The following SGSM2 variants were observed in gnomAD, a reference collection of about 807,000 sequenced individuals.
SGSM2 encodes the protein RUN and TBC1 domain containing 1.
Under a neutral mutation model 126.6 loss-of-function variants are expected in SGSM2, and 89 were observed. The observed-to-expected ratio is 0.70, with a 90% CI of 0.59 to 0.84. The LOEUF (loss-of-function observed/expected upper bound fraction) is 0.84, where lower values mean the gene tolerates loss of function less well. SGSM2 is among the 40% of genes least tolerant of loss of function. The pLI is 0.00. For missense variants in SGSM2, 1,404 were observed against 1,416.6 expected (o/e 0.99, Z 0.14); for synonymous variants, 614 against 574.3 (o/e 1.07, Z -0.99).
Position 2,362,288 on chromosome 17 carries a change from C to G in SGSM2, c.458+18C>G. On this transcript the variant is annotated intron_variant, in intron 4 of 23. Coordinates refer to ENST00000268989, the MANE Select transcript of SGSM2 (RefSeq NM_014853.3). This position sits in a 1 kb window ranked among gnomAD's most constrained non-coding sequence, Gnocchi z 4.9. ...AACTGCAGGTGACCGCCCCGTTCCC[C>G]AAAAACTGCAGGTGACCACCCCGTT... The G allele has an allele frequency of 6.3e-7, 1 of 1,599,128 alleles. No homozygotes were observed. Among genetic ancestry groups the G allele is most frequent in the Middle Eastern group, 1.7e-4 (1 of 5,884 alleles).
At chr17:2,349,654 T>C (rs1026228281) in intron 2 of SGSM2, among the ~76,000 whole-genome samples, 1 of 152,122 alleles carries the variant, frequency 6.6e-6, no homozygotes, top group Non-Finnish European at 1.5e-5. Context: ...TAGGAAACAA[T>C]GGTTGCAGGC....
rs142659744 is a variant in SGSM2 at position 2,363,775 on chromosome 17, G to C, written c.807+176G>C. 1.0e-4 allele frequency: 105 copies of C among 1,024,330 alleles called. No individual in the cohort carries two copies. Among genetic ancestry groups the C allele is most frequent in the Middle Eastern group, 9.7e-4 (3 of 3,106 alleles). The allele number at this position is 1,024,330 out of a possible 1,614,324, so 63.5% of individuals were successfully genotyped here. ...TCACGCCCAGCCTTTAGTTGGCAGG[G>C]GACAGGAATGGCAGCCAGCAGGCGA... On this transcript the variant is annotated intron_variant, in intron 7 of 23. Transcript: ENST00000268989. This position sits in a 1 kb window ranked among gnomAD's most constrained non-coding sequence, Gnocchi z 4.2.
chr17:2,380,202 A>T lies in SGSM2; in HGVS notation c.*682A>T. 6.5e-7 allele frequency: 1 copy of T among 1,531,944 alleles called. No individual in the cohort carries two copies. Among genetic ancestry groups the T allele is most frequent in the Non-Finnish European group, 8.7e-7 (1 of 1,144,538 alleles). The allele number at this position is 1,531,944 out of a possible 1,614,324, so 94.9% of individuals were successfully genotyped here. A position where few individuals can be genotyped will look rare whatever the true frequency, so the allele number is the denominator to read the frequency against. On this transcript the variant is annotated 3_prime_UTR_variant, in exon 24 of 24. Transcript: ENST00000268989. ...CCCCCAGGCCTCCCCGGCCTTGTAC[A>T]GTGTACCTCTGTGTATCTGTACAGC...
At position 2,338,786 on chromosome 17, in the gene SGSM2, T is replaced by TATATATATATATATATATATAA. The variant is rs1481763507; in HGVS notation, c.57+1044_57+1045insTATATATATATATATATAAATA. Among the ~76,000 whole-genome samples, 1,075 of 149,630 alleles carry TATATATATATATATATATATAA rather than the reference T, an allele frequency of 7.2e-3. 17 individuals carry two copies. The highest frequency in any genetic ancestry group is 0.024 in the African/African-American group (992 of 40,742). ...ATGCCGTCTCCCTAATATATATATA[T>TATATATATATATATATATATAA]ATAACCTCACGCCTGTAATCCCAGC... On this transcript the variant is annotated intron_variant, in intron 1 of 23. Coordinates refer to ENST00000268989, the MANE Select transcript of SGSM2 (RefSeq NM_014853.3).
At chr17:2,349,075 G>A (rs62067003) in intron 2 of SGSM2, among the ~76,000 whole-genome samples, 5,972 of 150,996 alleles carry the variant, frequency 0.04, 192 homozygotes, top group East Asian at 0.15. Context: ...CATCTGCTTT[G>A]TTTTTGAAAG....
rs891097501 is a variant in SGSM2, at chr17:2,375,856, T to C, written c.2465T>C (p.Val822Ala). Residue 822 changes from valine (V) to alanine (A), a missense_variant, in exon 18 of 24, where the codon GTG (valine) becomes GCG (alanine). Coordinates refer to ENST00000268989, the MANE Select transcript of SGSM2 (RefSeq NM_014853.3). ...ELEAGEELAA[V>A]CAAAYTIELL... ...GAGGCCGGAGAGGAGCTTGCGGCTG[T>C]GTGTGCGGCTGCCTACACTGTGCGT... is the stretch of plus-strand genomic sequence containing the variant. The C allele has an allele frequency of 1.3e-6, 2 of 1,524,816 alleles. No individual in the cohort carries two copies. The highest frequency in any genetic ancestry group is 1.3e-5 in the South Asian group (1 of 78,096). 94.5% of individuals were successfully genotyped at this position (1,524,816 alleles called of 1,614,324 possible). A position where few individuals can be genotyped will look rare whatever the true frequency, so the allele number is the denominator to read the frequency against.
chr17:2,353,476 A>G (rs1003763145), intron 2 of SGSM2, among the ~76,000 whole-genome samples: 1 of 152,156 alleles, frequency 6.6e-6, no homozygotes, highest in African/African-American at 2.4e-5. Context: ...AAAAGGATAC[A>G]GTGGGGCCGG....
intron 2 of SGSM2, among the ~76,000 whole-genome samples, chr17:2,356,930 G>A (rs868055171): frequency 5.9e-5 from 8 of 136,490 alleles, no homozygotes; most frequent in African/African-American, 1.9e-4. Flanking sequence ...AGGGTTGGGG[G>A]AAGGGACCCC....
Position 2,367,380 on chromosome 17 carries a change from C to A in SGSM2, c.1398C>A (p.Asn466Lys). 1.9e-6 allele frequency: 3 copies of A among 1,614,028 alleles called. No homozygotes were observed. Among genetic ancestry groups the A allele is most frequent in the Non-Finnish European group, 2.5e-6 (3 of 1,179,966 alleles). ...TGCTCTCAATGATCTGCTCGCGGAA[C>A]CTCACAGCTCCCAATCCGATGAAAG... ...HAMLSMICSRNLTAPNPMKDA... is the reference protein window; with the variant it reads ...HAMLSMICSRKLTAPNPMKDA... The change falls in exon 12 of 24, where the codon AAC (asparagine) becomes AAA (lysine). Residue 466 changes from asparagine (N) to lysine (K), a missense_variant. By Grantham distance (94) the Asn-to-Lys change is moderately conservative. Transcript: ENST00000268989. The surrounding 1 kb of genome is among the most constrained non-coding windows in gnomAD (Gnocchi z 4.0).
At chr17:2,343,683 C>G (rs2064472419) in intron 2 of SGSM2, 63 bp downstream of exon 2, 1 of 1,481,478 alleles carries the variant, frequency 6.8e-7, no homozygotes, top group Non-Finnish European at 9.4e-7. Context: ...GGCCTGGGGC[C>G]AGGAAAAGAT....
At chr17:2,375,983 TG>T in intron 18 of SGSM2, 108 bp downstream of exon 18, 1 of 1,506,670 alleles carries the variant, frequency 6.6e-7, no homozygotes, top group East Asian at 2.3e-5. Context: ...CTGACTGCCC[TG>T]GAAGGGAGTT....
chr17:2,338,581 A>G (rs934870452), intron 1 of SGSM2, among the ~76,000 whole-genome samples: 5 of 151,868 alleles, frequency 3.3e-5, no homozygotes, highest in Admixed American at 1.3e-4. Context: ...AGTAAACTCC[A>G]CCAGGGCAGG....
At chr17:2,365,502 G>C (rs2151582466) in intron 11 of SGSM2, among the ~76,000 whole-genome samples, 161 bp downstream of exon 11, 1 of 152,298 alleles carries the variant, frequency 6.6e-6, no homozygotes, top group African/African-American at 2.4e-5. Context: ...TTTACCCACA[G>C]ATATTGCCTT....
At chr17:2,360,767 T>C (rs2065275352) in intron 2 of SGSM2, among the ~76,000 whole-genome samples, 2 of 152,234 alleles carry the variant, frequency 1.3e-5, no homozygotes, top group Admixed American at 1.3e-4. Context: ...TCAGTGTCCC[T>C]GCCCCCAACC....
Position 2,376,220 on chromosome 17 carries a change from C to G in SGSM2, c.2568C>G (p.Phe856Leu). The G allele has an allele frequency of 6.2e-7, 1 of 1,614,060 alleles. No homozygotes were observed. The highest frequency in any genetic ancestry group is 1.3e-5 in the African/African-American group (1 of 75,028). Reference protein sequence around the residue: ...VQRCDRNYWYFTPPNLERLRD... With the variant: ...VQRCDRNYWYLTPPNLERLRD... Reference sequence around the variant, plus strand: ...GGTGTGACCGCAACTACTGGTACTTCACGCCCCCCAACCTCGAGAGGCTCA... The same window carrying G: ...GGTGTGACCGCAACTACTGGTACTTGACGCCCCCCAACCTCGAGAGGCTCA... The change falls in exon 19 of 24, where the codon TTC becomes TTG. Residue 856 changes from phenylalanine to leucine, a missense_variant. Transcript: ENST00000268989.
Position 2,379,195 on chromosome 17 carries a change from T to C in SGSM2, c.3059T>C (p.Phe1020Ser). ...ATGGACTTCACTGACATCATCAAGT[T>C]TTTCAATGGTACGAGCTGGTCCAGC... ...NNMDFTDIIK[F>S]FNERAEHHDA... Residue 1020 changes from phenylalanine (F) to serine (S), a missense_variant, in exon 23 of 24, where the codon TTT (phenylalanine) becomes TCT (serine). Physicochemically the swap from Phe to Ser is radical, Grantham distance 155 (BLOSUM62 -2). Coordinates refer to ENST00000268989, the MANE Select transcript of SGSM2 (RefSeq NM_014853.3). 6.2e-7 allele frequency: 1 copy of C among 1,613,792 alleles called. No individual in the cohort carries two copies. Among genetic ancestry groups the C allele is most frequent in the Non-Finnish European group, 8.5e-7 (1 of 1,179,928 alleles).
At position 2,380,283 on chromosome 17, in the gene SGSM2, C is replaced by G. The variant is rs762455545; in HGVS notation, c.*763C>G. On this transcript the variant is annotated 3_prime_UTR_variant, in exon 24 of 24. Transcript: ENST00000268989. The stretch of plus-strand genomic sequence containing the variant: ...GCATTAGGTACTTCCCTGAAAACCA[C>G]GTGTAAGAAGTGATGCTTTTGCCAG... The G allele has an allele frequency of 3.9e-6, 6 of 1,535,898 alleles. No individual in the cohort carries two copies. The South Asian group carries it at 7.1e-5, about 18-fold the overall frequency.
chr17:2,354,214 T>TG (rs1322172072), intron 2 of SGSM2, among the ~76,000 whole-genome samples: 17 of 151,026 alleles, frequency 1.1e-4, no homozygotes, highest in African/African-American at 4.1e-4. Context: ...ACCTAGAGTT[T>TG]TTTTGTTTGT....
rs915990229 is a variant in SGSM2, at chr17:2,362,515, G to T, written c.458+245G>T. On this transcript the variant is annotated intron_variant, in intron 4 of 23. Transcript: ENST00000268989. This position sits in a 1 kb window ranked among gnomAD's most constrained non-coding sequence, Gnocchi z 4.9. ...CCCAAAAACTGCAGGTGACCGCCCC[G>T]TTCCCCAAAAACTGCAGGTGACCGC... Among the ~76,000 whole-genome samples the T allele has an allele frequency of 2.7e-5, 4 of 149,782 alleles. No individual in the cohort carries two copies. Among genetic ancestry groups the T allele is most frequent in the African/African-American group, 9.9e-5 (4 of 40,308 alleles).
Sources: gnomAD v4.1 joint callset for allele counts (sites outside exome capture counted in the v4.1 genomes callset) on GRCh38, gnomAD v4.1.1 for gene constraint, Gnocchi (gnomAD v3.1) non-coding constraint, MANE v1.5 for transcripts, NCBI Gene and HGNC (gene_info 2026-07-23, HGNC 2026-07-21) for gene names.